The following TRERF1 variants were observed in gnomAD, a reference collection of about 807,000 sequenced individuals.
The protein encoded by TRERF1 is transcriptional-regulating factor 1.
TRERF1 carries 27 observed loss-of-function variants against 122.9 expected under a neutral mutation model. The observed-to-expected ratio is 0.22, with a 90% CI of 0.16 to 0.30. The LOEUF (loss-of-function observed/expected upper bound fraction) is 0.30. TRERF1 is among the 10% of genes least tolerant of loss of function. The pLI is 1.00. For missense variants in TRERF1, 1,248 were observed against 1,560.3 expected, an observed-to-expected ratio of 0.80 and a Z score of 3.37; for synonymous variants, 636 against 641.7, an observed-to-expected ratio of 0.99 and a Z score of 0.13.
Position 42,279,587 on chromosome 6 carries a change from C to T in TRERF1, c.-258-9739G>A, listed in dbSNP as rs527395793. 2.6e-5 allele frequency among the ~76,000 whole-genome samples: 4 copies of T among 152,344 alleles called. No homozygotes were observed. In the South Asian group the frequency reaches 8.3e-4, roughly 32 times the overall value. Reference sequence around the variant, plus strand: ...ACCTGCAGGCTCTGTTGCTATCACTCAAGCTCCACACCTAGCGTCATGGGG... The same window carrying T: ...ACCTGCAGGCTCTGTTGCTATCACTTAAGCTCCACACCTAGCGTCATGGGG... On this transcript the variant is annotated intron_variant, in intron 4 of 17. Transcript: ENST00000372922.
In TRERF1 at chr6:42,259,523, G is replaced by A. The variant is rs758277253; in HGVS notation, c.2085C>T (p.Asp695=). 4.5e-5 allele frequency: 73 copies of A among 1,612,958 alleles called. No individual in the cohort carries two copies. The highest frequency in any genetic ancestry group is 7.6e-6 in the Non-Finnish European group (9 of 1,179,722). ...CGTGGGTGGGGTCCAGGAGCAGGTG[G>A]TCCCCGAGGACGCGCGGGGAGCGCA... Residue 695 remains aspartate, a synonymous_variant, in exon 9 of 18, where the codon GAC becomes GAT. Transcript: ENST00000372922. This position sits in a 1 kb window ranked among gnomAD's most constrained non-coding sequence, Gnocchi z 4.9.
intron 2 of TRERF1, among the ~76,000 whole-genome samples, chr6:42,417,581 G>A (rs1272549885): frequency 6.6e-6 from 1 of 152,162 alleles, no homozygotes; most frequent in Non-Finnish European, 1.5e-5. Context: ...ATAAAGAGGA[G>A]GAACGACTGG....
At chr6:42,444,806 C>T (rs1250274597) in intron 2 of TRERF1, among the ~76,000 whole-genome samples, 3 of 152,190 alleles carry the variant, frequency 2.0e-5, no homozygotes, top group East Asian at 1.9e-4. Context: ...GCTCCCACTC[C>T]GTTTCTCTGC....
chr6:42,436,813 AAATATATATAT>A (rs1196353195), intron 2 of TRERF1, among the ~76,000 whole-genome samples: 2 of 106,910 alleles, frequency 1.9e-5, no homozygotes, highest in Admixed American at 1.1e-4. Context: ...AAAAAAAAAA[AAATATATATAT>A]ATATATATAT....
chr6:42,356,892 GCAA>G (rs1290105355), intron 3 of TRERF1, among the ~76,000 whole-genome samples: 2 of 152,052 alleles, frequency 1.3e-5, no homozygotes, highest in Admixed American at 6.6e-5. Context: ...TATTGTTTAA[GCAA>G]CCCACTTTAT....
At chr6:42,305,543 G>C (rs1432092536) in intron 3 of TRERF1, among the ~76,000 whole-genome samples, 1 of 152,110 alleles carries the variant, frequency 6.6e-6, no homozygotes, top group Admixed American at 6.6e-5. Flanking sequence ...ATCAAAGAGG[G>C]GTTCTCTGCA....
intron 4 of TRERF1, among the ~76,000 whole-genome samples, chr6:42,279,867 G>C (rs1481620433): frequency 6.6e-6 from 1 of 152,200 alleles, no homozygotes; most frequent in African/African-American, 2.4e-5. Flanking sequence ...CAGGGCCCCA[G>C]AGAAGAAGCG....
intron 2 of TRERF1, among the ~76,000 whole-genome samples, chr6:42,382,628 G>A (rs1471715480): frequency 2.0e-5 from 3 of 152,096 alleles, no homozygotes; most frequent in Non-Finnish European, 2.9e-5. Context: ...GCAAATCAGT[G>A]AGTCCCACTG....
chr6:42,250,235 C>T (rs1775503062), intron 13 of TRERF1, among the ~76,000 whole-genome samples: 1 of 152,124 alleles, frequency 6.6e-6, no homozygotes, highest in African/African-American at 2.4e-5. Flanking sequence ...GAGCAGATTC[C>T]AAATCAGCCC....
chr6:42,415,881 T>A (rs969238376), intron 2 of TRERF1, among the ~76,000 whole-genome samples: 1 of 152,112 alleles, frequency 6.6e-6, no homozygotes, highest in African/African-American at 2.4e-5. Flanking sequence ...ATAATCCTAG[T>A]GGTAATTTTA....
In TRERF1 at chr6:42,259,710, T is replaced by G; in HGVS notation, c.1898A>C (p.Lys633Thr). The change falls in exon 9 of 18, where the codon AAG (lysine) becomes ACG (threonine). Residue 633 changes from lysine to threonine, a missense_variant. Transcript: ENST00000372922. This position sits in a 1 kb window ranked among gnomAD's most constrained non-coding sequence, Gnocchi z 4.9. ...GGCTTTGGGCACACTCGGCTGATGC[T>G]TCCTGGGGATTTCCTAAAACCGGAA... The G allele has an allele frequency of 1.9e-6, 3 of 1,602,744 alleles. No homozygotes were observed. The highest frequency in any genetic ancestry group is 2.5e-6 in the Non-Finnish European group (3 of 1,179,940).
At chr6:42,406,484 C>CA (rs1328014265) in intron 2 of TRERF1, among the ~76,000 whole-genome samples, 2 of 152,204 alleles carry the variant, frequency 1.3e-5, no homozygotes, top group African/African-American at 4.8e-5. Flanking sequence ...GAAAGGAGCT[C>CA]ACATCCCAGT....
At chr6:42,304,511 C>T (rs1786795929) in intron 3 of TRERF1, among the ~76,000 whole-genome samples, 1 of 152,220 alleles carries the variant, frequency 6.6e-6, no homozygotes, top group Admixed American at 6.5e-5. Flanking sequence ...TGAATATCCA[C>T]AAGAATCCAC....
At chr6:42,301,404 A>AT (rs1342281121) in intron 3 of TRERF1, among the ~76,000 whole-genome samples, 1 of 152,070 alleles carries the variant, frequency 6.6e-6, no homozygotes, top group East Asian at 1.9e-4. Flanking sequence ...TAATTTTTGT[A>AT]TTTTTAGTAG....
chr6:42,444,918 C>T (rs1787196658), intron 2 of TRERF1, among the ~76,000 whole-genome samples: 1 of 152,168 alleles, frequency 6.6e-6, no homozygotes, highest in South Asian at 2.1e-4. Flanking sequence ...GTCGTGGTCC[C>T]AGCCAACCCT....
chr6:42,414,324 C>G (rs572863133), intron 2 of TRERF1, among the ~76,000 whole-genome samples: 2 of 152,284 alleles, frequency 1.3e-5, no homozygotes, highest in South Asian at 4.1e-4. Context: ...TCTCTCAATA[C>G]CACTCTGTCC....
At chr6:42,313,600 G>T (rs942724980) in intron 3 of TRERF1, among the ~76,000 whole-genome samples, 1 of 152,130 alleles carries the variant, frequency 6.6e-6, no homozygotes, top group Non-Finnish European at 1.5e-5. Flanking sequence ...ACTCTCCTGG[G>T]ATGTGGGCCC....
intron 15 of TRERF1, among the ~76,000 whole-genome samples, chr6:42,240,980 C>T (rs973376588): frequency 3.9e-5 from 6 of 152,122 alleles, no homozygotes; most frequent in Non-Finnish European, 5.9e-5. Flanking sequence ...GCAACCTCCA[C>T]CTCCCGGGTT....
In TRERF1 at chr6:42,233,442, C is replaced by T. The variant is rs982263512; in HGVS notation, c.3067-550G>A. Among the ~76,000 whole-genome samples, 224 of 151,964 alleles carry T rather than the reference C, an allele frequency of 1.5e-3. 2 individuals are homozygous for T. The highest frequency in any genetic ancestry group is 6.0e-4 in the African/African-American group (25 of 41,360). On this transcript the variant is annotated intron_variant, in intron 16 of 17. Transcript: ENST00000372922. Reference sequence around the variant, plus strand: ...CTGGGACTACAGGCGCCCGCCACCACGCCTGGCTAATTTTTTGTAGTTTTA... The same window carrying T: ...CTGGGACTACAGGCGCCCGCCACCATGCCTGGCTAATTTTTTGTAGTTTTA...
Sources: gnomAD v4.1 joint callset for allele counts (sites outside exome capture counted in the v4.1 genomes callset) on GRCh38, gnomAD v4.1.1 for gene constraint, Gnocchi (gnomAD v3.1) non-coding constraint, MANE v1.5 for transcripts, NCBI Gene and HGNC (gene_info 2026-07-23, HGNC 2026-07-21) for gene names.